Variants in WNT7B observed in about 807,000 individuals in gnomAD.
WNT7B encodes the protein protein Wnt-7b.
Under a neutral mutation model 38.2 loss-of-function variants are expected in WNT7B, and 19 were observed. The ratio of observed to expected loss-of-function variants is 0.50; its 90% confidence interval spans 0.35 to 0.73. WNT7B has a LOEUF of 0.73. Ranked by LOEUF, WNT7B falls within the 30% of genes least tolerant of loss-of-function variation. WNT7B has a pLI of 0.01. For synonymous variants in WNT7B, 243 were observed against 209.3 expected (o/e 1.16, Z -1.39); for missense variants, 423 against 507.9 (o/e 0.83, Z 1.61).
At chr22:45,970,792 G>T (rs1265238076) in intron 1 of WNT7B, among the ~76,000 whole-genome samples, 1 of 152,180 alleles carries the variant, frequency 6.6e-6, no homozygotes, top group Non-Finnish European at 1.5e-5. Flanking sequence ...AAGGACACCA[G>T]AAGCAGGACC....
chr22:45,955,805 G>C lies in WNT7B; in HGVS notation c.72-5659C>G, dbSNP rs2146738539. ...GAGAAGAGTTTAGCCCTGCAGACAAGAAGCCTCCTCCTCATTCCCCAGGGA... is the reference window on the plus strand; with the variant it reads ...GAGAAGAGTTTAGCCCTGCAGACAACAAGCCTCCTCCTCATTCCCCAGGGA... On this transcript the variant is annotated intron_variant, in intron 1 of 3. Transcript: ENST00000339464. Among the ~76,000 whole-genome samples the C allele has an allele frequency of 2.0e-5, 3 of 152,268 alleles. 1 individual carries two copies. In the South Asian group the frequency reaches 6.2e-4, roughly 32 times the overall value.
chr22:45,950,229 C>G, intron 1 of WNT7B, 83 bp from the exon 2 acceptor site: 1 of 1,228,264 alleles, frequency 8.1e-7, no homozygotes, highest in Non-Finnish European at 1.2e-6. Flanking sequence ...CCCACTCAGC[C>G]TCTCAGTCAC....
chr22:45,973,052 C>T (rs556577225), intron 1 of WNT7B, among the ~76,000 whole-genome samples: 17 of 152,364 alleles, frequency 1.1e-4, no homozygotes, highest in Non-Finnish European at 2.2e-4. Flanking sequence ...TGAGCTTGCA[C>T]GACCCTGCCT....
chr22:45,934,237 C>G (rs1017177270), intron 2 of WNT7B, among the ~76,000 whole-genome samples: 1 of 152,160 alleles, frequency 6.6e-6, no homozygotes, highest in African/African-American at 2.4e-5. Flanking sequence ...GTCGGGGGCC[C>G]TGGAAGGTCC....
In WNT7B at chr22:45,977,151, C is replaced by T; in HGVS notation, c.-397G>A. The T allele has an allele frequency of 2.3e-6, 1 of 433,034 alleles. No homozygotes were observed. The highest frequency in any genetic ancestry group is 3.1e-6 in the Non-Finnish European group (1 of 325,126). The allele number at this position is 433,034 out of a possible 1,614,324, so 26.8% of individuals were successfully genotyped here. On this transcript the variant is annotated 5_prime_UTR_variant, in exon 1 of 4. Coordinates refer to ENST00000339464, the MANE Select transcript of WNT7B (RefSeq NM_058238.3). ...CAATGTGTCCGCACTTGTCGGCCGCCCCAGGTGACTCGCGGCCCCGGCAAG... is the reference window on the plus strand; with the variant it reads ...CAATGTGTCCGCACTTGTCGGCCGCTCCAGGTGACTCGCGGCCCCGGCAAG...
At chr22:45,972,116 G>GGGGGGGGGCCCCCCCCCCCCCCCCCCC in intron 1 of WNT7B, 1 of 530,746 alleles carries the variant, frequency 1.9e-6, no homozygotes, top group Admixed American at 4.1e-5. Flanking sequence ...CCCGGGGGGA[G>GGGGGGGGGCCCCCCCCCCCCCCCCCCC]CCCACCCGCC....
At chr22:45,929,810 ATCCATCTATCTT>A (rs1931261493) in intron 3 of WNT7B, among the ~76,000 whole-genome samples, 2 of 148,456 alleles carry the variant, frequency 1.3e-5, no homozygotes, top group Non-Finnish European at 3.0e-5. Flanking sequence ...CCATCTACCC[ATCCATCTATCTT>A]CCCATGCACT....
intron 3 of WNT7B, among the ~76,000 whole-genome samples, chr22:45,930,167 A>C (rs150106460): frequency 3.3e-5 from 5 of 152,034 alleles, no homozygotes; most frequent in Non-Finnish European, 5.9e-5. Context: ...TGACCCCTGC[A>C]CCCCTCATGT....
Position 45,975,062 on chromosome 22 carries a change from G to A in WNT7B, c.71+1622C>T, listed in dbSNP as rs534120747. Among the ~76,000 whole-genome samples the A allele has an allele frequency of 6.6e-6, 1 of 152,236 alleles. No homozygotes were observed. Among genetic ancestry groups the A allele is most frequent in the Non-Finnish European group, 1.5e-5 (1 of 68,010 alleles). On this transcript the variant is annotated intron_variant, in intron 1 of 3. Transcript: ENST00000339464. This position sits in a 1 kb window ranked among gnomAD's most constrained non-coding sequence, Gnocchi z 6.6. ...CGCTAGGAACAGCAGCCCACAGTGG[G>A]GGGTCAGAGCCAACTGCAGCCCCAG...
Position 45,957,791 on chromosome 22 carries a change from G to C in WNT7B, c.72-7645C>G, listed in dbSNP as rs185248626. On this transcript the variant is annotated intron_variant, in intron 1 of 3. Transcript: ENST00000339464. ...CTTTGTATGTGCCTAGCCCGCACGG[G>C]GGGTGCTAGCCCTTCCTGCACACAC... 3.0e-3 allele frequency among the ~76,000 whole-genome samples: 453 copies of C among 151,750 alleles called. 3 individuals are homozygous for C. Among genetic ancestry groups the C allele is most frequent in the South Asian group, 0.02 (97 of 4,792 alleles).
rs370972940 is a variant in WNT7B, at chr22:45,931,083, G to A, written c.570+15C>T. The A allele has an allele frequency of 4.8e-4, 738 of 1,553,248 alleles. 3 individuals are homozygous for A. Among genetic ancestry groups the A allele is most frequent in the Non-Finnish European group, 5.5e-4 (638 of 1,150,254 alleles). ...GTCCCAGCTACGGCCCCCACCAGCC[G>A]CACCCGCACCCTACCTTCCTGCCGG... is the stretch of plus-strand genomic sequence containing the variant. On this transcript the variant is annotated intron_variant, in intron 3 of 3. Transcript: ENST00000339464.
chr22:45,940,991 C>A (rs1323744694), intron 2 of WNT7B, among the ~76,000 whole-genome samples: 1 of 152,130 alleles, frequency 6.6e-6, no homozygotes, highest in Non-Finnish European at 1.5e-5. Flanking sequence ...TCAGAGAAGA[C>A]CTTGGACTTT....
At chr22:45,956,877 A>G (rs555332816) in intron 1 of WNT7B, among the ~76,000 whole-genome samples, 347 of 151,526 alleles carry the variant, frequency 2.3e-3, no homozygotes, top group Non-Finnish European at 4.2e-3. Context: ...GGAGGCTGAG[A>G]TGGGTGGATC....
chr22:45,928,178 C>A (rs1474239822), intron 3 of WNT7B, among the ~76,000 whole-genome samples: 1 of 152,216 alleles, frequency 6.6e-6, no homozygotes, highest in Admixed American at 6.5e-5. Flanking sequence ...GCTTTCCACC[C>A]ACCTCACTGT....
intron 2 of WNT7B, among the ~76,000 whole-genome samples, chr22:45,948,518 G>A (rs926691442): frequency 5.9e-5 from 9 of 152,230 alleles, no homozygotes; most frequent in Non-Finnish European, 1.0e-4. Flanking sequence ...GGCTCTGCTC[G>A]GCTCCAGGAT....
intron 1 of WNT7B, among the ~76,000 whole-genome samples, chr22:45,967,858 C>G (rs537378129): frequency 1.3e-5 from 2 of 152,298 alleles, no homozygotes; most frequent in East Asian, 3.9e-4. Flanking sequence ...CCTCGCCCCC[C>G]ATCAGCACCT....
chr22:45,976,312 G>A lies in WNT7B; in HGVS notation c.71+372C>T, dbSNP rs995552416. On this transcript the variant is annotated intron_variant, in intron 1 of 3. Transcript: ENST00000339464. This position sits in a 1 kb window ranked among gnomAD's most constrained non-coding sequence, Gnocchi z 8.5. ...CGCCCCGGCGCACCCTCCAGGCGGC[G>A]AGCGCTCGGCCCGGGCTCGGCGCCC... is the stretch of plus-strand genomic sequence containing the variant. 6.7e-6 allele frequency among the ~76,000 whole-genome samples: 1 copy of A among 149,344 alleles called. No homozygotes were observed. Among genetic ancestry groups the A allele is most frequent in the Non-Finnish European group, 1.5e-5 (1 of 67,044 alleles).
rs1176815757 is a variant in WNT7B, at chr22:45,922,274, GT to G, written c.*581del. ...GTGGGGCCGGGAAAGGAAACAGAGG[GT>G]GTCTAGGGGATGGGCTGACACAGAG... is the stretch of plus-strand genomic sequence containing the variant. On this transcript the variant is annotated 3_prime_UTR_variant, in exon 4 of 4. Coordinates refer to ENST00000339464, the MANE Select transcript of WNT7B (RefSeq NM_058238.3). 6.5e-6 allele frequency: 1 copy of G among 152,960 alleles called. No individual in the cohort carries two copies. Among genetic ancestry groups the G allele is most frequent in the Non-Finnish European group, 1.5e-5 (1 of 68,668 alleles). 9.5% of individuals were successfully genotyped at this position (152,960 alleles called of 1,614,324 possible).
chr22:45,925,606 C>CT, intron 3 of WNT7B: 3 of 985,234 alleles, frequency 3.0e-6, no homozygotes, highest in Non-Finnish European at 3.6e-6. Context: ...ATCACCCCAG[C>CT]TCCCTGTTCA....
Sources: gnomAD v4.1 joint callset for allele counts (sites outside exome capture counted in the v4.1 genomes callset) on GRCh38, gnomAD v4.1.1 for gene constraint, Gnocchi (gnomAD v3.1) non-coding constraint, MANE v1.5 for transcripts, NCBI Gene and HGNC (gene_info 2026-07-23, HGNC 2026-07-21) for gene names.